Variants in GARNL3 observed in about 807,000 individuals in gnomAD.
GARNL3 encodes GTPase activating Rap/RanGAP domain like 3.
In GARNL3, 63 loss-of-function variants were observed where a neutral mutation model predicts 125.0. That is an observed-to-expected ratio of 0.50 (90% CI 0.41 to 0.62). The LOEUF (loss-of-function observed/expected upper bound fraction) is 0.62. Ranked by LOEUF, GARNL3 falls within the 20% of genes least tolerant of loss-of-function variation. GARNL3 has a pLI of 0.00. For missense variants in GARNL3, 994 were observed against 1,244.0 expected (o/e 0.80, Z 3.02); for synonymous variants, 439 against 457.5 (o/e 0.96, Z 0.52).
chr9:127,289,285 C>G (rs1300314902), intron 1 of GARNL3, among the ~76,000 whole-genome samples: 3 of 152,210 alleles, frequency 2.0e-5, no homozygotes, highest in Non-Finnish European at 4.4e-5. Flanking sequence ...CAAGACCACT[C>G]TCAGGTTTGA....
chr9:127,305,033 A>G (rs1427328722), intron 2 of GARNL3, among the ~76,000 whole-genome samples: 2 of 152,204 alleles, frequency 1.3e-5, no homozygotes, highest in African/African-American at 2.4e-5. Context: ...TCAAATACAC[A>G]TCATATGATT....
chr9:127,294,184 T>C (rs1032628248), intron 2 of GARNL3, among the ~76,000 whole-genome samples: 6 of 152,218 alleles, frequency 3.9e-5, no homozygotes, highest in Non-Finnish European at 8.8e-5. Flanking sequence ...TTGCTGGGAT[T>C]GACAAACATC....
intron 1 of GARNL3, among the ~76,000 whole-genome samples, chr9:127,227,072 TTTAA>T (rs1249324108): frequency 6.6e-6 from 1 of 152,242 alleles, no homozygotes; most frequent in Non-Finnish European, 1.5e-5. Flanking sequence ...TTTATTTAGC[TTTAA>T]TTAATTTAAC....
At chr9:127,389,257 T>C (rs1024001569) in intron 26 of GARNL3, 138 bp downstream of exon 26, 1 of 631,590 alleles carries the variant, frequency 1.6e-6, no homozygotes, top group Non-Finnish European at 2.8e-6. Context: ...TAAGTTCTAA[T>C]ACCTCTATAC....
At position 127,228,269 on chromosome 9, in the gene GARNL3, G is replaced by A. The variant is rs1464418845; in HGVS notation, c.-29+3931G>A. Among the ~76,000 whole-genome samples, 5 of 152,264 alleles carry A rather than the reference G, an allele frequency of 3.3e-5. No individual in the cohort carries two copies. The East Asian group carries it at 9.6e-4, about 29-fold the overall frequency. On this transcript the variant is annotated intron_variant, in intron 1 of 10. Coordinates refer to the GARNL3 transcript ENST00000439286. ...CTGTAAATCCATGTGCATTTGTTTA[G>A]CTATGAAGAGGTCAACTTTTATAAA...
intron 1 of GARNL3, 86 bp downstream of exon 1, chr9:127,265,107 T>G (rs2063674824): frequency 8.2e-6 from 10 of 1,216,854 alleles, no homozygotes; most frequent in Non-Finnish European, 1.2e-5. Context: ...TTGTTGTATA[T>G]TTACTGTTAG....
At chr9:127,259,934 A>G (rs1160197894), upstream of GARNL3, among the ~76,000 whole-genome samples, 2 of 152,266 alleles carry the variant, frequency 1.3e-5, no homozygotes, top group African/African-American at 2.4e-5. Context: ...TCAAGGGGCT[A>G]AGGTAGGAGG....
rs60448026 is a variant in GARNL3 at position 127,331,720 on chromosome 9, C to CTTTTTTTTTTT, written c.595-549_595-539dup. Among the ~76,000 whole-genome samples the CTTTTTTTTTTT allele has an allele frequency of 4.7e-4, 35 of 74,400 alleles. 6 individuals carry two copies. The highest frequency in any genetic ancestry group is 1.4e-3 in the South Asian group (2 of 1,476). 48.8% of individuals were successfully genotyped at this position (74,400 alleles called of 152,430 possible). On this transcript the variant is annotated intron_variant, in intron 7 of 27. Coordinates refer to ENST00000373387, the MANE Select transcript of GARNL3 (RefSeq NM_032293.5). ...CTACTGCTTGCTTGGCTTGGGCTTG[C>CTTTTTTTTTTT]TTTTTTTTTTTTTTTCACATCTGTT...
At chr9:127,231,052 T>TACATATATATATATATATATA (rs1271085624) in intron 1 of GARNL3, among the ~76,000 whole-genome samples, 1 of 72,700 alleles carries the variant, frequency 1.4e-5, no homozygotes, top group African/African-American at 1.2e-4. Context: ...ATATATATAT[T>TACATATATATATATATATATA]TTTTTTTTTT....
intron 1 of GARNL3, among the ~76,000 whole-genome samples, chr9:127,238,310 C>T (rs2063146967): frequency 6.6e-6 from 1 of 152,150 alleles, no homozygotes; most frequent in South Asian, 2.1e-4. Context: ...GCTGCCACAG[C>T]TAGGGGAGCC....
intron 24 of GARNL3, among the ~76,000 whole-genome samples, chr9:127,386,047 T>C (rs557866782): frequency 2.6e-4 from 39 of 152,356 alleles, no homozygotes; most frequent in African/African-American, 8.7e-4. Context: ...TACAATGCTG[T>C]TTATCATAAA....
chr9:127,257,067 C>A (rs757665036), intron 2 of GARNL3, among the ~76,000 whole-genome samples: 11 of 152,184 alleles, frequency 7.2e-5, no homozygotes, highest in Non-Finnish European at 1.3e-4. Flanking sequence ...CAGCATAGTT[C>A]CCTGGAGATT....
upstream of GARNL3, among the ~76,000 whole-genome samples, chr9:127,262,260 A>G (rs1161617971): frequency 6.6e-6 from 1 of 152,208 alleles, no homozygotes; most frequent in Non-Finnish European, 1.5e-5. Flanking sequence ...AAATGTTTAC[A>G]TTTTGCTCAC....
intron 17 of GARNL3, chr9:127,353,591 C>A: frequency 2.6e-6 from 1 of 384,438 alleles, no homozygotes; most frequent in Non-Finnish European, 4.6e-6. Flanking sequence ...CGTTTTCATG[C>A]CTCTGCTGCT....
intron 1 of GARNL3, among the ~76,000 whole-genome samples, chr9:127,282,308 T>G (rs1196862396): frequency 6.6e-6 from 1 of 152,220 alleles, no homozygotes; most frequent in Non-Finnish European, 1.5e-5. Flanking sequence ...TCAGAGCATT[T>G]TATATTAATC....
intron 3 of GARNL3, among the ~76,000 whole-genome samples, chr9:127,312,414 C>G (rs2065121387): frequency 6.6e-6 from 1 of 152,062 alleles, no homozygotes; most frequent in Non-Finnish European, 1.5e-5. Flanking sequence ...ATGGAAGTTT[C>G]AATGAGATAT....
chr9:127,230,570 A>G (rs989058044), intron 1 of GARNL3, among the ~76,000 whole-genome samples: 1 of 151,728 alleles, frequency 6.6e-6, no homozygotes, highest in East Asian at 1.9e-4. Context: ...GGAGAATCGC[A>G]TGAACCCAGG....
chr9:127,259,884 A>G (rs190774220), upstream of GARNL3, among the ~76,000 whole-genome samples: 1 of 152,134 alleles, frequency 6.6e-6, no homozygotes, highest in East Asian at 1.9e-4. Context: ...TCTACAAAAA[A>G]AAATTTTTTT....
intron 2 of GARNL3, among the ~76,000 whole-genome samples, chr9:127,244,060 T>C (rs746401683): frequency 2.0e-5 from 3 of 152,202 alleles, no homozygotes; most frequent in Non-Finnish European, 4.4e-5. Flanking sequence ...AGGACATGGA[T>C]CAGAATCACC....
Sources: gnomAD v4.1 joint callset for allele counts (sites outside exome capture counted in the v4.1 genomes callset) on GRCh38, gnomAD v4.1.1 for gene constraint, MANE v1.5 for transcripts, NCBI Gene and HGNC (gene_info 2026-07-23, HGNC 2026-07-21) for gene names.